DYSF: variants seen among roughly 807,000 people sequenced by gnomAD.
The protein encoded by DYSF is dysferlin.
DYSF carries 212 observed loss-of-function variants against 274.9 expected under a neutral mutation model. The observed-to-expected ratio is 0.77, with a 90% CI of 0.69 to 0.86. DYSF has a LOEUF of 0.86. DYSF is among the 40% of genes least tolerant of loss of function. The pLI is 0.00. For synonymous variants in DYSF, 1,091 were observed against 1,078.7 expected, an observed-to-expected ratio of 1.01 and a Z score of -0.22; for missense variants, 2,666 against 2,783.2, an observed-to-expected ratio of 0.96 and a Z score of 0.95.
intron 16 of DYSF, among the ~76,000 whole-genome samples, chr2:71,537,370 C>T (rs543873866): frequency 5.9e-5 from 9 of 151,642 alleles, no homozygotes; most frequent in South Asian, 2.1e-4. Context: ...CTCAGCCTCC[C>T]GAGTAGCAGG....
intron 1 of DYSF, among the ~76,000 whole-genome samples, chr2:71,460,949 A>AAAAG (rs750642754): frequency 6.7e-6 from 1 of 149,604 alleles, no homozygotes; most frequent in Non-Finnish European, 1.5e-5. Context: ...AAAAAAAAAA[A>AAAAG]AAAAAGAAAA....
At chr2:71,533,036 T>C (rs2088925702) in intron 14 of DYSF, among the ~76,000 whole-genome samples, 1 of 152,226 alleles carries the variant, frequency 6.6e-6, no homozygotes, top group African/African-American at 2.4e-5. Flanking sequence ...TCATTTTTTT[T>C]TGAGATGGAG....
chr2:71,453,783 A>G (rs1205807991), exon 1 of DYSF: 4 of 597,428 alleles, frequency 6.7e-6, no homozygotes, highest in African/African-American at 5.6e-5. Flanking sequence ...GGGTGAGCGC[A>G]GCCGGGGCGG....
intron 47 of DYSF, 107 bp downstream of exon 47, chr2:71,665,411 C>G (rs1212268830): frequency 2.7e-6 from 4 of 1,475,326 alleles, no homozygotes; most frequent in Non-Finnish European, 3.8e-6. Context: ...TAACCCACAG[C>G]AGCAGGCTGT....
chr2:71,641,799 TAGTATTTTATTTAAA>T (rs1267341542), intron 41 of DYSF, among the ~76,000 whole-genome samples: 1 of 152,182 alleles, frequency 6.6e-6, no homozygotes, highest in Non-Finnish European at 1.5e-5. Flanking sequence ...TCCAAAAGGT[TAGTATTTTATTTAAA>T]ATTTCTCATT....
intron 32 of DYSF, among the ~76,000 whole-genome samples, chr2:71,592,675 G>T (rs2152846767): frequency 6.6e-6 from 1 of 152,348 alleles, no homozygotes; most frequent in South Asian, 2.1e-4. Flanking sequence ...CCAGCTGCCT[G>T]CCGGGTGTCT....
Position 71,618,983 on chromosome 2 carries a change from G to C in DYSF, c.4465-1564G>C, listed in dbSNP as rs538825078. ...CTCCAGTTATAGTCTCTGGGATGCC[G>C]TGAAGGTGGGAACGTGCTCCCAGAA... On this transcript the variant is annotated intron_variant, in intron 40 of 55. Transcript: ENST00000410020. Among the ~76,000 whole-genome samples, 4 of 152,102 alleles carry C rather than the reference G, an allele frequency of 2.6e-5. No individual in the cohort carries two copies. The South Asian group carries it at 8.3e-4, about 32-fold the overall frequency.
chr2:71,542,349 T>C (rs1454476865), intron 17 of DYSF, among the ~76,000 whole-genome samples: 9 of 151,950 alleles, frequency 5.9e-5, no homozygotes, highest in African/African-American at 1.9e-4. Context: ...AAATGGGCTA[T>C]TGCATTTGTA....
intron 16 of DYSF, among the ~76,000 whole-genome samples, chr2:71,537,003 C>T (rs912717876): frequency 1.3e-5 from 2 of 152,036 alleles, no homozygotes; most frequent in African/African-American, 2.4e-5. Flanking sequence ...CCCCAAACCA[C>T]CCCCTACCTC....
At chr2:71,669,944 C>T (rs527352546) in intron 51 of DYSF, among the ~76,000 whole-genome samples, 198 bp downstream of exon 51, 5 of 152,244 alleles carry the variant, frequency 3.3e-5, no homozygotes, top group South Asian at 2.1e-4. Flanking sequence ...GCTGTCTCAG[C>T]ATTGTGTGAT....
intron 1 of DYSF, among the ~76,000 whole-genome samples, chr2:71,459,133 G>A (rs999607391): frequency 1.3e-4 from 20 of 152,150 alleles, no homozygotes; most frequent in Non-Finnish European, 2.5e-4. Flanking sequence ...CTATACTTCC[G>A]GAAGCCTTTG....
At chr2:71,594,971 C>A (rs2093366228) in intron 32 of DYSF, among the ~76,000 whole-genome samples, 1 of 152,242 alleles carries the variant, frequency 6.6e-6, no homozygotes, top group Non-Finnish European at 1.5e-5. Context: ...TAGCACTGTG[C>A]TAACCTCCCA....
chr2:71,570,052 T>A, intron 27 of DYSF, 118 bp downstream of exon 27: 1 of 1,106,576 alleles, frequency 9.0e-7, no homozygotes, highest in Non-Finnish European at 1.4e-6. Flanking sequence ...GGAGACTTCA[T>A]GCTTTGATTT....
rs886044422 is a variant in DYSF at position 71,665,187 on chromosome 2, C to T, written c.5200C>T (p.Gln1734Ter). The T allele has an allele frequency of 2.5e-6, 4 of 1,613,666 alleles. No homozygotes were observed. The highest frequency in any genetic ancestry group is 2.5e-6 in the Non-Finnish European group (3 of 1,180,040). Reference sequence around the variant, plus strand: ...CTCTGGACCGAACCAGTGGCGGGACCAGCTCCGCCCCTCCCAGCTCCTCCA... The same window carrying T: ...CTCTGGACCGAACCAGTGGCGGGACTAGCTCCGCCCCTCCCAGCTCCTCCA... ...CVSGPNQWRD[Q>*]LRPSQLLHLF... is the part of the protein sequence containing the mutation. Residue 1734 changes from glutamine to a stop codon, truncating the protein, a stop_gained, in exon 47 of 56, where the codon CAG becomes TAG. Coordinates refer to ENST00000410020, the MANE Select transcript of DYSF (RefSeq NM_001130987.2). LOFTEE classifies it high-confidence loss of function.
At chr2:71,522,273 C>G (rs34874650) in intron 12 of DYSF, among the ~76,000 whole-genome samples, 100,077 of 151,404 alleles carry the variant, frequency 0.66, 33,864 homozygotes, top group African/African-American at 0.73. Flanking sequence ...CTGCATCCCC[C>G]TTTTTCCACT....
At position 71,514,033 on chromosome 2, in the gene DYSF, G is replaced by A. The variant is rs1051768901; in HGVS notation, c.759+112G>A. ...GGGGAAGATGTGTGTGGGATCCTCA[G>A]GGCCCTCCTGTGGGGGAATCTGTAG... On this transcript the variant is annotated intron_variant, in intron 7 of 55. Coordinates refer to ENST00000410020, the MANE Select transcript of DYSF (RefSeq NM_001130987.2). The A allele has an allele frequency of 2.4e-6, 3 of 1,273,496 alleles. No individual in the cohort carries two copies. In the African/African-American group the frequency reaches 4.5e-5, roughly 19 times the overall value. The allele number at this position is 1,273,496 out of a possible 1,614,324, so 78.9% of individuals were successfully genotyped here.
intron 41 of DYSF, among the ~76,000 whole-genome samples, chr2:71,624,098 C>G (rs1352037024): frequency 6.6e-6 from 1 of 152,098 alleles, no homozygotes; most frequent in African/African-American, 2.4e-5. Context: ...ACACAAAAGC[C>G]TTAAATTAGT....
intron 1 of DYSF, among the ~76,000 whole-genome samples, chr2:71,479,917 CAT>C (rs1354127246): frequency 1.3e-5 from 2 of 152,180 alleles, no homozygotes; most frequent in African/African-American, 4.8e-5. Context: ...ATAAAATTAA[CAT>C]ATCATAAAAT....
chr2:71,628,162 A>G (rs1195191568), intron 41 of DYSF, among the ~76,000 whole-genome samples: 1 of 152,054 alleles, frequency 6.6e-6, no homozygotes, highest in Non-Finnish European at 1.5e-5. Flanking sequence ...TTTCAAAACT[A>G]TATATGTTTC....
Sources: allele counts gnomAD v4.1 joint callset (sites outside exome capture counted in the v4.1 genomes callset), GRCh38; gene constraint gnomAD v4.1.1; transcripts MANE v1.5; gene names NCBI Gene and HGNC (gene_info 2026-07-23, HGNC 2026-07-21).